The following TECPR2 variants were observed in gnomAD, a reference collection of about 807,000 sequenced individuals.
The protein encoded by TECPR2 is tectonin beta-propeller repeat containing 2.
A neutral mutation model predicts 138.1 loss-of-function variants in TECPR2; 65 were observed. That is an observed-to-expected ratio of 0.47 (90% CI 0.39 to 0.58). The LOEUF (loss-of-function observed/expected upper bound fraction) is 0.58. TECPR2 is among the 20% of genes least tolerant of loss of function. The probability of loss-of-function intolerance (pLI) is 0.00; values close to 1 mark genes in which losing one functional copy is unlikely to be tolerated. For synonymous variants in TECPR2, 746 were observed against 749.8 expected, an observed-to-expected ratio of 0.99 and a Z score of 0.08; for missense variants, 1,553 against 1,824.5, an observed-to-expected ratio of 0.85 and a Z score of 2.71.
chr14:102,407,415 C>G lies in TECPR2; in HGVS notation c.297C>G (p.Gly99=), dbSNP rs1345955584. ...DDLVAAGTAS[G]RVAVFQLVSS... ...TGGTGGCAGCAGGCACAGCCTCTGG[C>G]AGGGTTGCAGTTTTTCAACTTGTAT... The change falls in exon 3 of 20, where the codon GGC becomes GGG. Residue 99 remains glycine, a synonymous_variant. Transcript: ENST00000359520. The G allele has an allele frequency of 6.2e-7, 1 of 1,613,478 alleles. No individual in the cohort carries two copies. Among genetic ancestry groups the G allele is most frequent in the Non-Finnish European group, 8.5e-7 (1 of 1,179,784 alleles).
At chr14:102,440,897 G>A (rs771978995) in intron 11 of TECPR2, among the ~76,000 whole-genome samples, 25 of 152,176 alleles carry the variant, frequency 1.6e-4, no homozygotes, top group East Asian at 3.9e-4. Context: ...CGCATATCAC[G>A]TATCCTACAA....
intron 2 of TECPR2, among the ~76,000 whole-genome samples, chr14:102,385,586 A>T (rs546153261): frequency 6.6e-6 from 1 of 151,798 alleles, no homozygotes; most frequent in East Asian, 1.9e-4. Context: ...GGAAGCTGGT[A>T]CAAATTACTG....
intron 2 of TECPR2, among the ~76,000 whole-genome samples, chr14:102,385,758 A>AC (rs1480479571): frequency 6.6e-6 from 1 of 151,792 alleles, no homozygotes; most frequent in Non-Finnish European, 1.5e-5. Context: ...ATACAGCAAG[A>AC]CCCCCATCTC....
intron 7 of TECPR2, 35 bp downstream of exon 7, chr14:102,428,417 A>T: frequency 6.2e-7 from 1 of 1,606,304 alleles, no homozygotes; most frequent in Non-Finnish European, 8.5e-7. Flanking sequence ...CATGTATATG[A>T]TGGGAAGTAC....
chr14:102,429,914 A>G lies in TECPR2; in HGVS notation c.1084+1532A>G, dbSNP rs77587060. Among the ~76,000 whole-genome samples, 1,222 of 152,262 alleles carry G rather than the reference A, an allele frequency of 8.0e-3. 19 individuals carry two copies. Among genetic ancestry groups the G allele is most frequent in the African/African-American group, 0.028 (1,161 of 41,540 alleles). On this transcript the variant is annotated intron_variant, in intron 7 of 19. Transcript: ENST00000359520. ...CATGTGTGGCTGCTGAGTACTTGCA[A>G]TATAGCAAGTGCAGCTGAGAGATGA...
At chr14:102,457,311 C>T (rs1478274894) in intron 16 of TECPR2, among the ~76,000 whole-genome samples, 1 of 151,962 alleles carries the variant, frequency 6.6e-6, no homozygotes, top group Non-Finnish European at 1.5e-5. Flanking sequence ...TCTCGAGCTC[C>T]TGACCTCAAC....
intron 17 of TECPR2, among the ~76,000 whole-genome samples, chr14:102,470,849 C>T (rs1263264342): frequency 2.0e-5 from 3 of 147,106 alleles, no homozygotes; most frequent in South Asian, 2.1e-4. Context: ...GACGGAGTCT[C>T]GCTCTGTCGC....
chr14:102,451,799 C>A (rs996094596), intron 15 of TECPR2, among the ~76,000 whole-genome samples: 2 of 152,060 alleles, frequency 1.3e-5, no homozygotes, highest in African/African-American at 4.8e-5. Flanking sequence ...ATCTGTTAAA[C>A]CTAAAGGACT....
At chr14:102,480,850 T>TC (rs1239237697) in intron 17 of TECPR2, among the ~76,000 whole-genome samples, 1 of 124,032 alleles carries the variant, frequency 8.1e-6, no homozygotes, top group Non-Finnish European at 1.6e-5. Flanking sequence ...GGTTTTTTTT[T>TC]TTTTTTTTTT....
At chr14:102,493,427 C>T (rs566380350) in intron 17 of TECPR2, among the ~76,000 whole-genome samples, 1 of 152,332 alleles carries the variant, frequency 6.6e-6, no homozygotes, top group South Asian at 2.1e-4. Flanking sequence ...CCCCTCCCTT[C>T]CCTGGAGCCC....
chr14:102,494,896 G>A (rs1476370929), intron 17 of TECPR2, among the ~76,000 whole-genome samples: 3 of 151,140 alleles, frequency 2.0e-5, no homozygotes, highest in South Asian at 2.1e-4. Flanking sequence ...TCACTCCAGC[G>A]GCACCCTGAG....
At chr14:102,447,237 C>G (rs1890007547) in intron 13 of TECPR2, among the ~76,000 whole-genome samples, 1 of 152,186 alleles carries the variant, frequency 6.6e-6, no homozygotes, top group Admixed American at 6.5e-5. Context: ...CCACCTCAGC[C>G]TCCCAAGTAG....
chr14:102,378,998 G>C (rs989381389), intron 2 of TECPR2, among the ~76,000 whole-genome samples: 1 of 152,092 alleles, frequency 6.6e-6, no homozygotes, highest in African/African-American at 2.4e-5. Flanking sequence ...TCATGGATTC[G>C]ACTGATCAAA....
chr14:102,437,447 T>C (rs1308274485), intron 9 of TECPR2, among the ~76,000 whole-genome samples: 1 of 152,038 alleles, frequency 6.6e-6, no homozygotes, highest in Non-Finnish European at 1.5e-5. Flanking sequence ...CTCAGGAGCC[T>C]GAGGCAGGAG....
At chr14:102,400,475 G>A (rs1020585755) in intron 2 of TECPR2, among the ~76,000 whole-genome samples, 4 of 152,186 alleles carry the variant, frequency 2.6e-5, no homozygotes, top group Admixed American at 1.3e-4. Flanking sequence ...ATATCAGTAA[G>A]CAAAAAGGTT....
At chr14:102,389,714 G>A (rs971080214) in intron 2 of TECPR2, among the ~76,000 whole-genome samples, 1 of 152,178 alleles carries the variant, frequency 6.6e-6, no homozygotes, top group African/African-American at 2.4e-5. Context: ...TCTCTTGACT[G>A]CTGAGATTCT....
Position 102,376,760 on chromosome 14 carries a change from C to T in TECPR2, c.39C>T (p.Phe13=), listed in dbSNP as rs1397291493. The T allele has an allele frequency of 3.1e-6, 5 of 1,614,058 alleles. No individual in the cohort carries two copies. The highest frequency in any genetic ancestry group is 4.2e-6 in the Non-Finnish European group (5 of 1,180,042). Residue 13 remains phenylalanine (F), a synonymous_variant, in exon 2 of 20, where the codon TTC becomes TTT. Coordinates refer to ENST00000359520, the MANE Select transcript of TECPR2 (RefSeq NM_014844.5). ...SISEPVTFRE[F]CPLYYLLNAI... ...CAGAGCCTGTTACATTCAGAGAGTT[C>T]TGCCCGTTGTACTATCTCCTCAATG... is the stretch of plus-strand genomic sequence containing the variant.
intron 11 of TECPR2, among the ~76,000 whole-genome samples, chr14:102,442,525 G>T (rs1215806803): frequency 1.3e-5 from 2 of 152,246 alleles, no homozygotes; most frequent in Non-Finnish European, 2.9e-5. Context: ...TGGTCATGGG[G>T]AAGACAGGAG....
At chr14:102,447,158 C>A (rs1425753029) in intron 13 of TECPR2, among the ~76,000 whole-genome samples, 1 of 152,122 alleles carries the variant, frequency 6.6e-6, no homozygotes, top group Non-Finnish European at 1.5e-5. Context: ...TTTTCTTTTT[C>A]TTTTCTTTTT....
Sources: gnomAD v4.1 joint callset for allele counts (sites outside exome capture counted in the v4.1 genomes callset) on GRCh38, gnomAD v4.1.1 for gene constraint, MANE v1.5 for transcripts, NCBI Gene and HGNC (gene_info 2026-07-23, HGNC 2026-07-21) for gene names.